The following IFT122 variants were observed in gnomAD, a reference collection of about 807,000 sequenced individuals.
The protein encoded by IFT122 is intraflagellar transport 122.
A neutral mutation model predicts 161.6 loss-of-function variants in IFT122; 118 were observed. The ratio of observed to expected loss-of-function variants is 0.73; its 90% CI spans 0.63 to 0.85. The LOEUF (loss-of-function observed/expected upper bound fraction) is 0.85. Ranked by LOEUF, IFT122 falls within the 40% of genes least tolerant of loss-of-function variation. IFT122 has a pLI of 0.00. For synonymous variants in IFT122, 550 were observed against 602.4 expected (o/e 0.91, Z 1.27); for missense variants, 1,381 against 1,579.6 (o/e 0.87, Z 2.13).
chr3:129,516,796 C>T (rs985513684), intron 26 of IFT122, among the ~76,000 whole-genome samples: 3 of 145,892 alleles, frequency 2.1e-5, no homozygotes, highest in Admixed American at 1.4e-4. Flanking sequence ...CGCTCCTGCA[C>T]ACACACAGAG....
chr3:129,445,116 A>G (rs1244117204), intron 1 of IFT122, among the ~76,000 whole-genome samples: 1 of 152,114 alleles, frequency 6.6e-6, no homozygotes, highest in Non-Finnish European at 1.5e-5. Context: ...ACTTGAGGTC[A>G]GGAGTTCGAG....
chr3:129,516,715 CACACACACACAGAG>C (rs2083791600), intron 26 of IFT122, among the ~76,000 whole-genome samples: 4 of 118,868 alleles, frequency 3.4e-5, no homozygotes, highest in African/African-American at 7.0e-5. Context: ...CACACACACA[CACACACACACAGAG>C]AGACTGCCCC....
At chr3:129,516,390 T>C (rs1445771717) in intron 26 of IFT122, among the ~76,000 whole-genome samples, 111 of 40,776 alleles carry the variant, frequency 2.7e-3, no homozygotes, top group Admixed American at 5.8e-3. Flanking sequence ...CAGAGACTGC[T>C]CCTGCACACA....
chr3:129,516,366 C>T (rs1289247846), intron 26 of IFT122, among the ~76,000 whole-genome samples: 3 of 134,640 alleles, frequency 2.2e-5, no homozygotes, highest in East Asian at 2.4e-4. Flanking sequence ...AGAGACTGCC[C>T]CTGCACACAC....
intron 26 of IFT122, 104 bp downstream of exon 26, chr3:129,515,703 C>T: frequency 1.1e-6 from 1 of 925,994 alleles, no homozygotes; most frequent in Non-Finnish European, 1.8e-6. Flanking sequence ...CCAAAGGCCT[C>T]TGAATGTCCC....
chr3:129,517,787 T>C (rs1178531069), intron 27 of IFT122, among the ~76,000 whole-genome samples, 193 bp downstream of exon 27: 2 of 152,160 alleles, frequency 1.3e-5, no homozygotes, highest in South Asian at 4.1e-4. Flanking sequence ...GGCCAGGGCC[T>C]AAGGACCCAG....
At chr3:129,484,053 G>A (rs1256095313) in intron 15 of IFT122, among the ~76,000 whole-genome samples, 3 of 152,076 alleles carry the variant, frequency 2.0e-5, no homozygotes, top group African/African-American at 7.2e-5. Context: ...GTGTGATGGT[G>A]GTGATGTGTG....
At chr3:129,461,159 A>G in intron 4 of IFT122, 69 bp from the exon 5 acceptor site, 20 of 1,289,926 alleles carry the variant, frequency 1.6e-5, no homozygotes, top group Non-Finnish European at 2.3e-5. Flanking sequence ...CATTATTAAA[A>G]TCTTCAGTTG....
At chr3:129,503,311 C>G (rs1022346393) in intron 20 of IFT122, among the ~76,000 whole-genome samples, 1 of 152,158 alleles carries the variant, frequency 6.6e-6, no homozygotes, top group African/African-American at 2.4e-5. Flanking sequence ...TTTCCAGATC[C>G]AGACTGTGAG....
chr3:129,469,262 TC>T (rs2077119151), intron 8 of IFT122, 79 bp from the exon 9 acceptor site: 4 of 1,243,650 alleles, frequency 3.2e-6, no homozygotes, highest in Admixed American at 3.4e-5. Flanking sequence ...ACTTCCTTGT[TC>T]CTGTTGTTTA....
rs372220366 is a variant in IFT122, at chr3:129,455,179, G to GT, written c.193+3192dup. 6.2e-3 allele frequency among the ~76,000 whole-genome samples: 897 copies of GT among 144,020 alleles called. 11 individuals carry two copies. Among genetic ancestry groups the GT allele is most frequent in the African/African-American group, 0.018 (692 of 39,540 alleles). 94.5% of individuals were successfully genotyped at this position (144,020 alleles called of 152,430 possible). A position where few individuals can be genotyped will look rare whatever the true frequency, so the allele number is the denominator to read the frequency against. The stretch of plus-strand genomic sequence containing the variant: ...CCTTTAAGTTCATTAAGTTTTTTTT[G>GT]TTTTTTTTTTTGAGATGAAGTCTCG... On this transcript the variant is annotated intron_variant, in intron 3 of 29. Coordinates refer to ENST00000348417, the MANE Select transcript of IFT122 (RefSeq NM_052989.3).
chr3:129,450,877 C>G (rs187300363), intron 2 of IFT122, among the ~76,000 whole-genome samples: 2 of 151,826 alleles, frequency 1.3e-5, no homozygotes, highest in Admixed American at 6.6e-5. Flanking sequence ...CCTGCCGCTA[C>G]GCTCAGCTAA....
At chr3:129,444,904 A>G (rs2107829517) in intron 1 of IFT122, among the ~76,000 whole-genome samples, 1 of 152,382 alleles carries the variant, frequency 6.6e-6, no homozygotes, top group East Asian at 1.9e-4. Context: ...ACAGAGCCAT[A>G]TTAAAAGCTT....
intron 1 of IFT122, among the ~76,000 whole-genome samples, chr3:129,441,473 C>T (rs748033586): frequency 7.9e-5 from 12 of 152,222 alleles, no homozygotes; most frequent in Non-Finnish European, 1.8e-4. Flanking sequence ...ACTATAATTT[C>T]CTCTATTTTA....
chr3:129,509,302 A>T lies in IFT122; in HGVS notation c.2886+1540A>T, dbSNP rs184726139. ...ATGCCAAACAACCGTAGAATGGTTG[A>T]CATTGAGTTCTTCGGCAACTTCTCC... On this transcript the variant is annotated intron_variant, in intron 23 of 29. Coordinates refer to ENST00000348417, the MANE Select transcript of IFT122 (RefSeq NM_052989.3). Among the ~76,000 whole-genome samples, 132 of 151,976 alleles carry T rather than the reference A, an allele frequency of 8.7e-4. 2 individuals carry two copies. The highest frequency in any genetic ancestry group is 3.2e-4 in the Non-Finnish European group (22 of 67,970).
intron 9 of IFT122, 30 bp downstream of exon 9, chr3:129,469,447 G>C: frequency 6.7e-7 from 1 of 1,497,340 alleles, no homozygotes; most frequent in South Asian, 1.1e-5. Flanking sequence ...TCCAATTGCA[G>C]TCATGCCTGT....
At chr3:129,514,649 C>T (rs2083255710) in intron 25 of IFT122, 95 bp downstream of exon 25, 1 of 1,385,892 alleles carries the variant, frequency 7.2e-7, no homozygotes, top group South Asian at 1.2e-5. Flanking sequence ...TGAAGAGAGA[C>T]AGCTGCAGCT....
intron 26 of IFT122, among the ~76,000 whole-genome samples, 193 bp from the exon 27 acceptor site, chr3:129,517,268 GCACACACA>G (rs777108020): frequency 4.2e-4 from 49 of 117,112 alleles, no homozygotes; most frequent in Middle Eastern, 6.0e-3. Context: ...CATTGCTCCT[GCACACACA>G]CACACACACA....
At position 129,514,501 on chromosome 3, in the gene IFT122, T is replaced by C; in HGVS notation, c.3100T>C (p.Ser1034Pro). The C allele has an allele frequency of 1.2e-6, 2 of 1,614,148 alleles. No individual in the cohort carries two copies. The highest frequency in any genetic ancestry group is 1.7e-6 in the Non-Finnish European group (2 of 1,180,020). Reference sequence around the variant, plus strand: ...GTACATCCCTGCCAGATTCCAAAAGTCCATTGAGCTGGGTACCCTGACCAT... The same window carrying C: ...GTACATCCCTGCCAGATTCCAAAAGCCCATTGAGCTGGGTACCCTGACCAT... ...GLYIPARFQKSIELGTLTIRA... is the reference protein window; with the variant it reads ...GLYIPARFQKPIELGTLTIRA... The change falls in exon 25 of 30, where the codon TCC (serine) becomes CCC (proline). Residue 1034 changes from serine (S) to proline (P), a missense_variant. Physicochemically the swap from Ser to Pro is moderately conservative, Grantham distance 74. This residue lies in a region of IFT122 where 496 missense variants were observed against 502.5 expected (regional missense o/e 0.99). Coordinates refer to ENST00000348417, the MANE Select transcript of IFT122 (RefSeq NM_052989.3).
Sources: allele counts gnomAD v4.1 joint callset (sites outside exome capture counted in the v4.1 genomes callset), GRCh38; gene constraint gnomAD v4.1.1; regional missense constraint gnomAD v4.1.1; transcripts MANE v1.5; gene names NCBI Gene and HGNC (gene_info 2026-07-23, HGNC 2026-07-21).